Variants in TTLL11 observed in about 807,000 individuals in gnomAD.
The protein encoded by TTLL11 is tubulin tyrosine ligase like 11.
In TTLL11, 42 loss-of-function variants were observed where a neutral mutation model predicts 51.7. That is an observed-to-expected ratio of 0.81 (90% CI 0.64 to 1.05). TTLL11 has a LOEUF of 1.05. TTLL11 is among the 50% of genes least tolerant of loss of function. TTLL11 has a pLI of 0.00. For missense variants in TTLL11, 799 were observed against 940.4 expected, an observed-to-expected ratio of 0.85 and a Z score of 1.97; for synonymous variants, 381 against 383.5, an observed-to-expected ratio of 0.99 and a Z score of 0.08.
chr9:121,949,476 A>C (rs571802550), intron 6 of TTLL11, among the ~76,000 whole-genome samples: 1 of 152,322 alleles, frequency 6.6e-6, no homozygotes, highest in South Asian at 2.1e-4. Context: ...AATGAGCATA[A>C]TAACTAACAT....
intron 6 of TTLL11, among the ~76,000 whole-genome samples, chr9:121,926,819 C>A (rs1459846726): frequency 1.3e-5 from 2 of 152,216 alleles, no homozygotes; most frequent in Non-Finnish European, 2.9e-5. Flanking sequence ...AACAGAAAAT[C>A]ATAGCTGGGG....
chr9:122,074,145 G>T (rs144358529), intron 1 of TTLL11, among the ~76,000 whole-genome samples: 1 of 151,990 alleles, frequency 6.6e-6, no homozygotes, highest in African/African-American at 2.4e-5. Flanking sequence ...GTGGTGGTGC[G>T]CACATATAAT....
At position 122,079,674 on chromosome 9, in the gene TTLL11, A is replaced by G. The variant is rs973057251; in HGVS notation, c.462+13013T>C. Among the ~76,000 whole-genome samples the G allele has an allele frequency of 2.0e-5, 3 of 151,230 alleles. No homozygotes were observed. In the South Asian group the frequency reaches 6.3e-4, roughly 32 times the overall value. On this transcript the variant is annotated intron_variant, in intron 1 of 8. Coordinates refer to ENST00000321582, the MANE Select transcript of TTLL11 (RefSeq NM_001139442.2). The stretch of plus-strand genomic sequence containing the variant: ...CTGTGAGCTGAGATCGCACCACTGC[A>G]CTCCAGCCTGGGCGACAGAGCAAGA...
At chr9:122,083,821 A>C (rs1846056031) in intron 1 of TTLL11, among the ~76,000 whole-genome samples, 1 of 152,156 alleles carries the variant, frequency 6.6e-6, no homozygotes, top group Admixed American at 6.5e-5. Context: ...AAAAAAAAGA[A>C]AGAAGTCTGT....
chr9:121,849,349 T>C (rs1427116176), intron 8 of TTLL11, among the ~76,000 whole-genome samples: 1 of 152,212 alleles, frequency 6.6e-6, no homozygotes, highest in Non-Finnish European at 1.5e-5. Flanking sequence ...GGTTTGGCTA[T>C]AAAATTTTAG....
intron 6 of TTLL11, among the ~76,000 whole-genome samples, chr9:121,899,365 G>GTATATATATATATATATA (rs1554766915): frequency 1.8e-5 from 2 of 113,242 alleles, no homozygotes; most frequent in Non-Finnish European, 3.6e-5. Flanking sequence ...ATGTGTGTGT[G>GTATATATATATATATATA]TATATATATA....
chr9:121,900,927 G>C (rs1304439745), intron 6 of TTLL11, among the ~76,000 whole-genome samples: 3 of 152,150 alleles, frequency 2.0e-5, no homozygotes, highest in Non-Finnish European at 4.4e-5. Context: ...TCCCGCCTCA[G>C]CCTCCTGAGT....
chr9:122,006,991 A>AAC (rs1311786524), intron 3 of TTLL11, among the ~76,000 whole-genome samples: 248 of 142,762 alleles, frequency 1.7e-3, no homozygotes, highest in African/African-American at 7.2e-3. Flanking sequence ...CAAAAAAAAA[A>AAC]AAAAAAAAAA....
chr9:121,877,453 G>A (rs1387042007), intron 6 of TTLL11, among the ~76,000 whole-genome samples: 1 of 152,070 alleles, frequency 6.6e-6, no homozygotes, highest in Non-Finnish European at 1.5e-5. Flanking sequence ...GACAAGGAAA[G>A]GACTTAACGA....
intron 6 of TTLL11, among the ~76,000 whole-genome samples, chr9:121,923,956 T>A (rs10985451): frequency 4.6e-5 from 7 of 151,986 alleles, no homozygotes; most frequent in Admixed American, 2.0e-4. Context: ...GAATCATGGC[T>A]GCCATATCTT....
At chr9:121,961,034 G>C (rs543067591) in intron 6 of TTLL11, among the ~76,000 whole-genome samples, 1 of 152,320 alleles carries the variant, frequency 6.6e-6, no homozygotes, top group East Asian at 1.9e-4. Flanking sequence ...AAAGCAGCTA[G>C]AGAACACTGC....
chr9:121,918,673 A>G (rs1051576236), intron 6 of TTLL11, among the ~76,000 whole-genome samples: 1 of 152,232 alleles, frequency 6.6e-6, no homozygotes, highest in African/African-American at 2.4e-5. Flanking sequence ...CCATCTTGCT[A>G]CCACAAAGAA....
chr9:122,042,727 G>T (rs1844880442), intron 1 of TTLL11, among the ~76,000 whole-genome samples: 1 of 152,152 alleles, frequency 6.6e-6, no homozygotes, highest in Admixed American at 6.5e-5. Flanking sequence ...ATAAACTACA[G>T]TATATCCAAA....
chr9:121,856,107 T>C (rs10818606), intron 8 of TTLL11, among the ~76,000 whole-genome samples: 93,174 of 152,044 alleles, frequency 0.61, 29,174 homozygotes, highest in East Asian at 0.72. Flanking sequence ...GATCTCTCTC[T>C]GTCACCCAGG....
In TTLL11 at chr9:121,909,756, G is replaced by A. The variant is rs1382543241; in HGVS notation, c.1482-39008C>T. 1.3e-5 allele frequency among the ~76,000 whole-genome samples: 2 copies of A among 152,184 alleles called. 1 individual carries two copies. Among genetic ancestry groups the A allele is most frequent in the Admixed American group, 1.3e-4 (2 of 15,278 alleles). The stretch of plus-strand genomic sequence containing the variant: ...CAAGGCAAGCTTAAAGTGAGGGCCG[G>A]GCACTCAGCTCCCGCAGAGCATTCT... On this transcript the variant is annotated intron_variant, in intron 6 of 8. Coordinates refer to ENST00000321582, the MANE Select transcript of TTLL11 (RefSeq NM_001139442.2).
intron 1 of TTLL11, among the ~76,000 whole-genome samples, chr9:122,086,864 AG>A (rs1427352015): frequency 6.6e-6 from 1 of 152,266 alleles, no homozygotes; most frequent in East Asian, 1.9e-4. Flanking sequence ...GAACAAAAAA[AG>A]GCTACTGTTT....
At chr9:122,087,526 T>C (rs1846156079) in intron 1 of TTLL11, among the ~76,000 whole-genome samples, 1 of 152,212 alleles carries the variant, frequency 6.6e-6, no homozygotes, top group Non-Finnish European at 1.5e-5. Context: ...CTTTATACTA[T>C]AATAGATCTC....
At chr9:121,924,453 T>C (rs1187145780) in intron 6 of TTLL11, among the ~76,000 whole-genome samples, 2 of 152,234 alleles carry the variant, frequency 1.3e-5, no homozygotes, top group African/African-American at 2.4e-5. Flanking sequence ...CTAATGTTAT[T>C]TGTTAGTTGG....
intron 2 of TTLL11, among the ~76,000 whole-genome samples, chr9:122,037,938 T>C (rs528504541): frequency 6.6e-6 from 1 of 152,308 alleles, no homozygotes; most frequent in East Asian, 1.9e-4. Context: ...ATGGCTATTG[T>C]GTTTTCTGCA....
Sources: gnomAD v4.1 joint callset for allele counts (sites outside exome capture counted in the v4.1 genomes callset) on GRCh38, gnomAD v4.1.1 for gene constraint, MANE v1.5 for transcripts, NCBI Gene and HGNC (gene_info 2026-07-23, HGNC 2026-07-21) for gene names.